PATJ: variants seen among roughly 807,000 people sequenced by gnomAD.
PATJ encodes the protein PATJ crumbs cell polarity complex component.
In PATJ, 190 loss-of-function variants were observed where a neutral mutation model predicts 224.9. The ratio of observed to expected loss-of-function variants is 0.84; its 90% CI spans 0.75 to 0.95. The LOEUF (loss-of-function observed/expected upper bound fraction) is 0.95, where lower values mean the gene tolerates loss of function less well. Ranked by LOEUF, PATJ falls within the 40% of genes least tolerant of loss-of-function variation. PATJ has a pLI of 0.00. For synonymous variants in PATJ, 769 were observed against 820.3 expected, an observed-to-expected ratio of 0.94 and a Z score of 1.07; for missense variants, 2,121 against 2,270.3, an observed-to-expected ratio of 0.93 and a Z score of 1.34.
intron 28 of PATJ, chr1:62,013,273 C>A: frequency 1.2e-6 from 1 of 834,746 alleles, no homozygotes; most frequent in Non-Finnish European, 1.4e-6. Context: ...TATCCATAAA[C>A]ATGAAACAGT....
chr1:61,879,595 G>C (rs12562658), intron 21 of PATJ, among the ~76,000 whole-genome samples: 38,742 of 129,386 alleles, frequency 0.3, 5,822 homozygotes, highest in East Asian at 0.73. Flanking sequence ...CAGGACTTAG[G>C]GTTTTAGAAT....
In PATJ at chr1:61,821,565, G is replaced by A. The variant is rs186130209; in HGVS notation, c.1684-1380G>A. On this transcript the variant is annotated intron_variant, in intron 14 of 43. Transcript: ENST00000642238. ...AGTGAGACAGAAGTGAGCCTCAGATGTTGTCTGAAGGAAGGCCTGTGGCAC... is the reference window on the plus strand; with the variant it reads ...AGTGAGACAGAAGTGAGCCTCAGATATTGTCTGAAGGAAGGCCTGTGGCAC... Among the ~76,000 whole-genome samples, 232 of 152,272 alleles carry A rather than the reference G, an allele frequency of 1.5e-3. 2 individuals are homozygous for A. The highest frequency in any genetic ancestry group is 5.1e-3 in the African/African-American group (210 of 41,556).
intron 27 of PATJ, among the ~76,000 whole-genome samples, chr1:61,931,220 G>A (rs1675984020): frequency 6.6e-6 from 1 of 152,126 alleles, no homozygotes; most frequent in Non-Finnish European, 1.5e-5. Flanking sequence ...TATGCATTTG[G>A]GAGACACTGT....
intron 24 of PATJ, 94 bp downstream of exon 24, chr1:61,901,553 A>G: frequency 2.3e-6 from 2 of 853,368 alleles, no homozygotes; most frequent in Non-Finnish European, 3.6e-6. Context: ...TGTGTTGGGG[A>G]CCGTGTGTGT....
chr1:61,918,307 CTTTTTTTTT>C (rs981322479), intron 26 of PATJ, among the ~76,000 whole-genome samples: 2 of 115,628 alleles, frequency 1.7e-5, no homozygotes, highest in Non-Finnish European at 3.6e-5. Context: ...TTTGTGTATT[CTTTTTTTTT>C]TTTTTTTTTT....
intron 27 of PATJ, chr1:61,952,279 A>AGAGAGAGAGAG (rs34974949): frequency 2.1e-6 from 1 of 468,904 alleles, no homozygotes; most frequent in Non-Finnish European, 3.9e-6. Context: ...AGAGAGAGAG[A>AGAGAGAGAGAG]AAAATAGGCC....
intron 22 of PATJ, among the ~76,000 whole-genome samples, chr1:61,889,638 T>A (rs572036281): frequency 6.6e-6 from 1 of 152,320 alleles, no homozygotes; most frequent in South Asian, 2.1e-4. Context: ...ATAACTGAGA[T>A]GGCTACTGAG....
intron 39 of PATJ, among the ~76,000 whole-genome samples, chr1:62,123,622 C>T (rs1033320607): frequency 1.1e-4 from 16 of 151,192 alleles, no homozygotes; most frequent in Non-Finnish European, 1.8e-4. Flanking sequence ...GGACTACAGG[C>T]GCCTGCCACC....
intron 14 of PATJ, among the ~76,000 whole-genome samples, chr1:61,810,784 C>T (rs543513385): frequency 3.0e-4 from 46 of 151,968 alleles, no homozygotes; most frequent in Middle Eastern, 3.4e-3. Flanking sequence ...ATTAGCCGGG[C>T]GTGGTAGTGG....
intron 26 of PATJ, among the ~76,000 whole-genome samples, chr1:61,920,685 T>C (rs1261371103): frequency 1.3e-5 from 2 of 150,678 alleles, no homozygotes; most frequent in African/African-American, 4.9e-5. Context: ...TCAGTGAATC[T>C]AGACTTGTAT....
At chr1:61,873,188 A>T (rs1666875782) in intron 20 of PATJ, among the ~76,000 whole-genome samples, 2 of 152,092 alleles carry the variant, frequency 1.3e-5, no homozygotes, top group Non-Finnish European at 2.9e-5. Flanking sequence ...TTATTTATTT[A>T]TAAAGACAGG....
Position 62,022,875 on chromosome 1 carries a change from T to C in PATJ, c.3959+4928T>C, listed in dbSNP as rs189244730. Among the ~76,000 whole-genome samples the C allele has an allele frequency of 2.6e-3, 402 of 152,314 alleles. 4 individuals are homozygous for C. Among genetic ancestry groups the C allele is most frequent in the South Asian group, 0.018 (87 of 4,830 alleles). ...TGTCTTCCTTTTGTAATTAAAAATA[T>C]AGTGTGGCTCGTTATCCTCTGGCCA... is the stretch of plus-strand genomic sequence containing the variant. On this transcript the variant is annotated intron_variant, in intron 29 of 43. Coordinates refer to ENST00000642238, the MANE Select transcript of PATJ (RefSeq NM_001350145.3).
chr1:61,990,324 C>G lies in PATJ; in HGVS notation c.3827C>G (p.Ala1276Gly). The G allele has an allele frequency of 6.2e-7, 1 of 1,613,306 alleles. No homozygotes were observed. The highest frequency in any genetic ancestry group is 8.5e-7 in the Non-Finnish European group (1 of 1,179,838). ...VVGINPEGPAAADGRMRIGDE... is the reference protein window; with the variant it reads ...VVGINPEGPAGADGRMRIGDE... ...GGAATTAACCCGGAAGGACCTGCTG[C>G]CGCAGATGGACGAATGCGTATTGGA... The change falls in exon 28 of 44, where the codon GCC becomes GGC. Residue 1276 changes from alanine to glycine, a missense_variant. By Grantham distance (60) the Ala-to-Gly change is moderately conservative. Coordinates refer to ENST00000642238, the MANE Select transcript of PATJ (RefSeq NM_001350145.3).
At position 62,161,326 on chromosome 1, in the gene PATJ, G is replaced by GTTTTT. The variant is rs1669814748; in HGVS notation, c.*272_*273insTTTTT. The stretch of plus-strand genomic sequence containing the variant: ...GTTTTGCATTTAATTTCAGTGTTCC[G>GTTTTT]ATTTCTTTTTTTTTTTTTTTTTTTT... On this transcript the variant is annotated 3_prime_UTR_variant, in exon 44 of 44. Transcript: ENST00000642238. 4.7e-6 allele frequency: 1 copy of GTTTTT among 215,048 alleles called. No homozygotes were observed. Among genetic ancestry groups the GTTTTT allele is most frequent in the African/African-American group, 2.7e-5 (1 of 37,672 alleles). The allele number at this position is 215,048 out of a possible 1,614,324, so 13.3% of individuals were successfully genotyped here. A position where few individuals can be genotyped will look rare whatever the true frequency, so the allele number is the denominator to read the frequency against.
chr1:62,123,195 A>G, intron 39 of PATJ, 137 bp downstream of exon 39: 1 of 618,938 alleles, frequency 1.6e-6, no homozygotes, highest in East Asian at 2.9e-5. Flanking sequence ...GGTCTAAATA[A>G]CATCAATAAA....
chr1:62,122,332 T>C (rs1447975554), intron 38 of PATJ, among the ~76,000 whole-genome samples: 3 of 130,192 alleles, frequency 2.3e-5, no homozygotes, highest in Non-Finnish European at 4.6e-5. Context: ...ACCACTGCAC[T>C]CCAGCCTGGG....
At chr1:61,923,647 G>T (rs183435551) in intron 26 of PATJ, among the ~76,000 whole-genome samples, 138 of 152,250 alleles carry the variant, frequency 9.1e-4, no homozygotes, top group African/African-American at 3.2e-3. Flanking sequence ...GCCGGGCGTG[G>T]TGGCTCATGC....
At chr1:61,768,552 G>C (rs1646424904) in intron 4 of PATJ, among the ~76,000 whole-genome samples, 1 of 151,984 alleles carries the variant, frequency 6.6e-6, no homozygotes, top group Non-Finnish European at 1.5e-5. Flanking sequence ...AATGCAGCTG[G>C]TTCTGACAGG....
intron 27 of PATJ, among the ~76,000 whole-genome samples, chr1:61,932,573 A>C (rs1676190304): frequency 6.6e-6 from 1 of 152,228 alleles, no homozygotes; most frequent in Admixed American, 6.5e-5. Context: ...CAAGAAATTG[A>C]TGAGGAAGAA....
Sources: allele counts gnomAD v4.1 joint callset (sites outside exome capture counted in the v4.1 genomes callset), GRCh38; gene constraint gnomAD v4.1.1; transcripts MANE v1.5; gene names NCBI Gene and HGNC (gene_info 2026-07-23, HGNC 2026-07-21).